Variants in TOMM20L observed in about 807,000 individuals in gnomAD.
The protein encoded by TOMM20L is TOMM20-like protein 1.
A neutral mutation model predicts 20.4 loss-of-function variants in TOMM20L; 19 were observed. That is an observed-to-expected ratio of 0.93 (90% CI 0.65 to 1.36). TOMM20L has a LOEUF of 1.36. Ranked by LOEUF, TOMM20L falls within the 40% of genes most tolerant of loss-of-function variation. The probability of loss-of-function intolerance (pLI) is 0.00; values close to 1 mark genes in which losing one functional copy is unlikely to be tolerated. For synonymous variants in TOMM20L, 75 were observed against 79.6 expected, an observed-to-expected ratio of 0.94 and a Z score of 0.30; for missense variants, 218 against 203.7, an observed-to-expected ratio of 1.07 and a Z score of -0.43.
downstream of TOMM20L, chr14:58,412,145 A>T: frequency 2.0e-6 from 1 of 509,156 alleles, no homozygotes; most frequent in East Asian, 3.3e-5. Context: ...TGAGAATTAG[A>T]TTTTCTTTTT....
chr14:58,408,128 G>C (rs915885616), intron 4 of TOMM20L, among the ~76,000 whole-genome samples: 11 of 152,048 alleles, frequency 7.2e-5, no homozygotes, highest in African/African-American at 2.7e-4. Context: ...ATGTAGGTAA[G>C]ATATGTGGCC....
chr14:58,417,016 G>A, the TOMM20L span, among the ~76,000 whole-genome samples: 1 of 152,120 alleles, frequency 6.6e-6, no homozygotes, highest in African/African-American at 2.4e-5. Context: ...ATGGGGGCAA[G>A]TCTTTCCCAT....
At chr14:58,411,473 G>A (rs532796497), downstream of TOMM20L, among the ~76,000 whole-genome samples, 21 of 150,982 alleles carry the variant, frequency 1.4e-4, no homozygotes, top group African/African-American at 4.6e-4. Context: ...AGAAAAATAC[G>A]TACACTTTAT....
downstream of TOMM20L, among the ~76,000 whole-genome samples, chr14:58,410,401 G>C (rs1330473794): frequency 4.0e-5 from 6 of 151,098 alleles, no homozygotes; most frequent in African/African-American, 1.5e-4. Context: ...CTGGGTAACA[G>C]AGCGAGACCC....
At chr14:58,415,035 G>A in the TOMM20L span, among the ~76,000 whole-genome samples, 19 of 152,324 alleles carry the variant, frequency 1.2e-4, no homozygotes, top group African/African-American at 4.1e-4. Flanking sequence ...CATGGGGAGA[G>A]TAACAAAGCA....
chr14:58,407,094 A>G (rs569044032), intron 3 of TOMM20L, among the ~76,000 whole-genome samples: 1 of 152,326 alleles, frequency 6.6e-6, no homozygotes, highest in East Asian at 1.9e-4. Flanking sequence ...GTATACTTCT[A>G]AACAGTAAGA....
chr14:58,402,845 C>A, intron 3 of TOMM20L, 84 bp downstream of exon 3: 1 of 1,051,126 alleles, frequency 9.5e-7, no homozygotes, highest in Non-Finnish European at 1.5e-6. Context: ...TGTCAAATAA[C>A]TAGCTGGATG....
downstream of TOMM20L, among the ~76,000 whole-genome samples, chr14:58,413,463 C>T (rs1170870940): frequency 2.0e-5 from 3 of 152,154 alleles, no homozygotes; most frequent in Non-Finnish European, 2.9e-5. Flanking sequence ...ATACATTCTA[C>T]TACACATTCT....
chr14:58,415,382 G>A, the TOMM20L span, among the ~76,000 whole-genome samples: 2 of 152,034 alleles, frequency 1.3e-5, no homozygotes, highest in South Asian at 4.2e-4. Flanking sequence ...GACAACAGAT[G>A]CTCAACATTG....
intron 3 of TOMM20L, among the ~76,000 whole-genome samples, chr14:58,404,509 T>C (rs75980129): frequency 2.0e-5 from 3 of 151,890 alleles, no homozygotes; most frequent in Non-Finnish European, 4.4e-5. Flanking sequence ...TTGTTTTTTT[T>C]CAAAAGGTTT....
At chr14:58,412,015 T>C, downstream of TOMM20L, 1 of 1,460,442 alleles carries the variant, frequency 6.8e-7, no homozygotes, top group Non-Finnish European at 9.6e-7. Flanking sequence ...TATAAACAAA[T>C]GTTTTTAGTC....
At chr14:58,403,542 T>G (rs1038884020) in intron 3 of TOMM20L, among the ~76,000 whole-genome samples, 6 of 152,002 alleles carry the variant, frequency 3.9e-5, no homozygotes, top group Non-Finnish European at 8.8e-5. Context: ...TTTTGAGTTA[T>G]AATTTATTCC....
chr14:58,396,721 T>C (rs1046978662), intron 2 of TOMM20L, among the ~76,000 whole-genome samples: 5 of 152,216 alleles, frequency 3.3e-5, no homozygotes, highest in African/African-American at 1.2e-4. Context: ...GCAGGGCCTT[T>C]CTTGTAGCTC....
intron 2 of TOMM20L, among the ~76,000 whole-genome samples, chr14:58,398,398 A>G (rs2035952563): frequency 6.6e-6 from 1 of 152,182 alleles, no homozygotes; most frequent in Admixed American, 6.5e-5. Flanking sequence ...TGAAATTGTA[A>G]TGTTCAAGGA....
At chr14:58,412,546 A>C (rs1358195689), downstream of TOMM20L, among the ~76,000 whole-genome samples, 2 of 152,152 alleles carry the variant, frequency 1.3e-5, no homozygotes, top group Non-Finnish European at 1.5e-5. Flanking sequence ...TGCTTGTTTA[A>C]AGCCCCATTC....
chr14:58,404,122 T>A lies in TOMM20L; in HGVS notation c.262+1361T>A. ...ATGTATATATATATATATATATATT[T>A]TTTTTTTTTTTTTTTTTTTTTTTTG... is the stretch of plus-strand genomic sequence containing the variant. On this transcript the variant is annotated intron_variant, in intron 3 of 4. Coordinates refer to ENST00000360945, the MANE Select transcript of TOMM20L (RefSeq NM_207377.3). Among the ~76,000 whole-genome samples the A allele has an allele frequency of 9.1e-4, 4 of 4,402 alleles. 2 individuals are homozygous for A. The highest frequency in any genetic ancestry group is 1.7e-3 in the Non-Finnish European group (2 of 1,186). The allele number at this position is 4,402 out of a possible 152,430, so 2.9% of individuals were successfully genotyped here.
At chr14:58,397,030 G>T (rs539662563) in intron 2 of TOMM20L, among the ~76,000 whole-genome samples, 2 of 152,344 alleles carry the variant, frequency 1.3e-5, no homozygotes, top group South Asian at 4.1e-4. Context: ...GGAGGTGGCA[G>T]TTGCAGCCTG....
At chr14:58,410,987 A>G (rs1223912040), downstream of TOMM20L, 1 of 1,335,796 alleles carries the variant, frequency 7.5e-7, no homozygotes, top group African/African-American at 1.5e-5. Flanking sequence ...TAAAACAAAG[A>G]TGCTTTGAAA....
chr14:58,400,106 C>A (rs1048915739), intron 2 of TOMM20L, among the ~76,000 whole-genome samples: 1 of 151,608 alleles, frequency 6.6e-6, no homozygotes, highest in African/African-American at 2.4e-5. Flanking sequence ...CCCTACTCTG[C>A]AGATTAAAGA....
Sources: allele counts gnomAD v4.1 joint callset (sites outside exome capture counted in the v4.1 genomes callset), GRCh38; gene constraint gnomAD v4.1.1; transcripts MANE v1.5; gene names NCBI Gene and HGNC (gene_info 2026-07-23, HGNC 2026-07-21).